Variants in HECTD4 observed in about 807,000 individuals in gnomAD.
HECTD4 encodes the protein HECT domain E3 ubiquitin protein ligase 4.
A neutral mutation model predicts 471.5 loss-of-function variants in HECTD4; 114 were observed. That is an observed-to-expected ratio of 0.24 (90% confidence interval 0.21 to 0.28). The LOEUF is 0.28. Among genes scored for constraint, HECTD4 ranks in the 10% least tolerant of loss-of-function variants. HECTD4 has a pLI of 1.00. For missense variants in HECTD4, 3,866 were observed against 5,651.5 expected (o/e 0.68, Z 10.13); for synonymous variants, 2,012 against 2,256.0 (o/e 0.89, Z 3.07).
intron 7 of HECTD4, among the ~76,000 whole-genome samples, 176 bp from the exon 8 acceptor site, chr12:112,283,478 G>A (rs2034687941): frequency 6.6e-6 from 1 of 152,174 alleles, no homozygotes; most frequent in South Asian, 2.1e-4. Context: ...AAGAGACTAT[G>A]CTAAGTTTGA....
At position 112,382,233 on chromosome 12, in the gene HECTD4, C is replaced by A; in HGVS notation, c.-105G>T. On this transcript the variant is annotated 5_prime_UTR_variant, in exon 1 of 76. Coordinates refer to ENST00000682272, the MANE Select transcript of HECTD4 (RefSeq NM_001388303.1). ...CCATGGCAGCGGCCGCCGCGCCCGC[C>A]AGCGGCGCCCCACTTGCTGCCTCGC... 2.0e-6 allele frequency: 2 copies of A among 994,056 alleles called. No individual in the cohort carries two copies. Among genetic ancestry groups the A allele is most frequent in the Non-Finnish European group, 2.6e-6 (2 of 779,906 alleles). 61.6% of individuals were successfully genotyped at this position (994,056 alleles called of 1,614,324 possible).
At chr12:112,164,643 G>A (rs1393687493) in intron 72 of HECTD4, among the ~76,000 whole-genome samples, 5 of 150,936 alleles carry the variant, frequency 3.3e-5, no homozygotes, top group East Asian at 1.9e-4. Context: ...TTTTTGAGAC[G>A]GAGTTTTGCT....
intron 53 of HECTD4, 39 bp downstream of exon 53, chr12:112,204,447 T>C: frequency 1.3e-6 from 2 of 1,583,798 alleles, no homozygotes; most frequent in Non-Finnish European, 1.7e-6. Context: ...TCTCATTTCA[T>C]AGGAAATTTC....
intron 1 of HECTD4, among the ~76,000 whole-genome samples, chr12:112,336,259 C>G (rs144763366): frequency 0.052 from 7,840 of 152,220 alleles, 269 homozygotes; most frequent in South Asian, 0.093. Flanking sequence ...CGCGGTGGCT[C>G]ATGCCTGTAA....
At chr12:112,276,898 C>A (rs1416845224) in intron 9 of HECTD4, among the ~76,000 whole-genome samples, 1 of 152,150 alleles carries the variant, frequency 6.6e-6, no homozygotes, top group African/African-American at 2.4e-5. Flanking sequence ...AACTTCATAT[C>A]CACAAAGATG....
chr12:112,196,457 T>C (rs1305168183), intron 55 of HECTD4, among the ~76,000 whole-genome samples: 1 of 152,204 alleles, frequency 6.6e-6, no homozygotes, highest in Non-Finnish European at 1.5e-5. Flanking sequence ...ATGTGTTCAC[T>C]GCATTAACAA....
chr12:112,185,429 T>C lies in HECTD4; in HGVS notation c.9537A>G (p.Ala3179=). 2.5e-6 allele frequency: 4 copies of C among 1,583,794 alleles called. No homozygotes were observed. Among genetic ancestry groups the C allele is most frequent in the Non-Finnish European group, 3.4e-6 (4 of 1,163,620 alleles). ...CVKELVFHLL[A]ELLRTVHTLE... ...GGGTGTGCACCGTGCGCAGGAGCTC[T>C]GCCAGGAGATGGAAAACAAGCTCCT... Residue 3179 remains alanine, a synonymous_variant, in exon 61 of 76, where the codon GCA becomes GCG. Transcript: ENST00000682272.
intron 7 of HECTD4, among the ~76,000 whole-genome samples, chr12:112,290,153 T>C (rs557191913): frequency 3.3e-5 from 5 of 152,048 alleles, no homozygotes; most frequent in African/African-American, 1.2e-4. Context: ...AAACCCCATC[T>C]ATACAAAACA....
chr12:112,365,439 T>C (rs11066273), intron 1 of HECTD4, among the ~76,000 whole-genome samples: 1 of 151,912 alleles, frequency 6.6e-6, no homozygotes, highest in Non-Finnish European at 1.5e-5. Context: ...TACCACTGAG[T>C]TCTTTTAAAA....
At position 112,176,530 on chromosome 12, in the gene HECTD4, G is replaced by T; in HGVS notation, c.11470+66C>A. 2.2e-5 allele frequency: 25 copies of T among 1,126,868 alleles called. No homozygotes were observed. The South Asian group carries it at 3.1e-4, about 14-fold the overall frequency. The allele number at this position is 1,126,868 out of a possible 1,614,324, so 69.8% of individuals were successfully genotyped here. On this transcript the variant is annotated intron_variant, in intron 65 of 75. Coordinates refer to ENST00000682272, the MANE Select transcript of HECTD4 (RefSeq NM_001388303.1). ...AGGAAAAGCAGAGGCCTGCTCCTCG[G>T]GGGGTGCCTAGTCTCCAGGATGGAA...
At chr12:112,284,981 G>A (rs769845360) in intron 7 of HECTD4, among the ~76,000 whole-genome samples, 4 of 152,160 alleles carry the variant, frequency 2.6e-5, no homozygotes, top group African/African-American at 7.2e-5. Context: ...ACAGGAATGC[G>A]CCACCACATC....
intron 11 of HECTD4, among the ~76,000 whole-genome samples, chr12:112,271,018 G>A (rs2034401838): frequency 6.6e-6 from 1 of 152,172 alleles, no homozygotes; most frequent in Non-Finnish European, 1.5e-5. Context: ...CTGGAGTTCA[G>A]GCAAGAGGCT....
intron 55 of HECTD4, among the ~76,000 whole-genome samples, chr12:112,196,581 C>T (rs574566242): frequency 1.4e-4 from 22 of 152,090 alleles, no homozygotes; most frequent in Non-Finnish European, 2.4e-4. Context: ...TTACCAGGGA[C>T]GGAACTGTTT....
intron 7 of HECTD4, chr12:112,302,659 C>T (rs1028106321): frequency 3.5e-6 from 2 of 576,248 alleles, no homozygotes; most frequent in African/African-American, 1.9e-5. Context: ...GGCCTTCTTT[C>T]CTTTCAGCGT....
At chr12:112,285,717 C>T (rs2034738180) in intron 7 of HECTD4, among the ~76,000 whole-genome samples, 1 of 152,094 alleles carries the variant, frequency 6.6e-6, no homozygotes, top group Non-Finnish European at 1.5e-5. Context: ...GCAACTCCCA[C>T]ATTTCTATTT....
intron 45 of HECTD4, among the ~76,000 whole-genome samples, 196 bp from the exon 46 acceptor site, chr12:112,217,391 T>C (rs780145327): frequency 1.3e-5 from 2 of 151,854 alleles, no homozygotes; most frequent in African/African-American, 2.4e-5. Flanking sequence ...CTCACTCCTA[T>C]CACCCAGACT....
chr12:112,323,895 T>C (rs1793022426), intron 1 of HECTD4, among the ~76,000 whole-genome samples: 1 of 151,768 alleles, frequency 6.6e-6, no homozygotes, highest in Non-Finnish European at 1.5e-5. Context: ...TAAAGATATA[T>C]TGAAAATAAT....
At chr12:112,208,110 G>T in intron 51 of HECTD4, 110 bp from the exon 52 acceptor site, 1 of 1,259,330 alleles carries the variant, frequency 7.9e-7, no homozygotes, top group Non-Finnish European at 1.1e-6. Context: ...TTAAATGCCA[G>T]TAATAGAAAG....
rs2036899412 is a variant in HECTD4, at chr12:112,381,821, G to A, written c.177+131C>T. 2 of 528,654 alleles carry A rather than the reference G, an allele frequency of 3.8e-6. No homozygotes were observed. The highest frequency in any genetic ancestry group is 4.7e-5 in the Admixed American group (1 of 21,406). 32.7% of individuals were successfully genotyped at this position (528,654 alleles called of 1,614,324 possible). ...GGCCGCGGCCCCACCTGCCCGCCCC[G>A]CGCCCACACACACCTGCCCCGGCAG... On this transcript the variant is annotated intron_variant, in intron 1 of 75. Transcript: ENST00000682272. This position sits in a 1 kb window ranked among gnomAD's most constrained non-coding sequence, Gnocchi z 4.1.
Sources: gnomAD v4.1 joint callset for allele counts (sites outside exome capture counted in the v4.1 genomes callset) on GRCh38, gnomAD v4.1.1 for gene constraint, Gnocchi (gnomAD v3.1) non-coding constraint, MANE v1.5 for transcripts, NCBI Gene and HGNC (gene_info 2026-07-23, HGNC 2026-07-21) for gene names.